Variants in CDCA7L observed in about 807,000 individuals in gnomAD.
CDCA7L encodes cell division cycle-associated 7-like protein.
A neutral mutation model predicts 57.4 loss-of-function variants in CDCA7L; 44 were observed. That is an observed-to-expected ratio of 0.77 (90% CI 0.60 to 0.98). CDCA7L has a LOEUF of 0.98. Among genes scored for constraint, CDCA7L ranks in the 50% least tolerant of loss-of-function variants. CDCA7L has a pLI of 0.00. For synonymous variants in CDCA7L, 236 were observed against 202.8 expected (o/e 1.16, Z -1.39); for missense variants, 644 against 580.6 (o/e 1.11, Z -1.12).
intron 8 of CDCA7L, chr7:21,903,778 T>TGGCCCA (rs1299237293): frequency 4.8e-6 from 1 of 207,722 alleles, no homozygotes; most frequent in Non-Finnish European, 9.5e-6. Context: ...CCTCTCAGCC[T>TGGCCCA]GGCCCAGGAA....
intron 7 of CDCA7L, 120 bp downstream of exon 7, chr7:21,905,386 G>T (rs1228674326): frequency 1.8e-6 from 2 of 1,141,376 alleles, no homozygotes; most frequent in African/African-American, 3.1e-5. Context: ...CTCCAATTCA[G>T]AGCCTGGCTC....
rs1360893205 is a variant in CDCA7L at position 21,906,337 on chromosome 7, A to G, written c.873T>C (p.Ala291=). ...FALENFTVSA[A]KFAEEFYSFR... The stretch of plus-strand genomic sequence containing the variant: ...AGCTGTAAAACTCTTCCGCAAATTT[A>G]GCGGCTGAGACAGTGAAGTTCTCTA... Residue 291 remains alanine, a synonymous_variant, in exon 6 of 10, where the codon GCT becomes GCC. Transcript: ENST00000406877. The G allele has an allele frequency of 6.2e-7, 1 of 1,610,840 alleles. No homozygotes were observed. Among genetic ancestry groups the G allele is most frequent in the African/African-American group, 1.3e-5 (1 of 74,748 alleles).
intron 1 of CDCA7L, among the ~76,000 whole-genome samples, chr7:21,920,525 G>A (rs1383277848): frequency 6.6e-6 from 1 of 152,192 alleles, no homozygotes; most frequent in South Asian, 2.1e-4. Flanking sequence ...GATGCTGAAG[G>A]GTTAATACAA....
At chr7:21,932,821 G>C (rs1726855382) in intron 1 of CDCA7L, among the ~76,000 whole-genome samples, 1 of 152,064 alleles carries the variant, frequency 6.6e-6, no homozygotes. Flanking sequence ...TTAAACTAAA[G>C]AGCTTCTGCA....
intron 1 of CDCA7L, among the ~76,000 whole-genome samples, chr7:21,937,270 G>A (rs1209685179): frequency 1.3e-5 from 2 of 152,038 alleles, no homozygotes; most frequent in Non-Finnish European, 2.9e-5. Context: ...GACTTCTTTC[G>A]TAAAAACAAA....
At chr7:21,936,381 T>C (rs967493635) in intron 1 of CDCA7L, among the ~76,000 whole-genome samples, 3 of 152,250 alleles carry the variant, frequency 2.0e-5, no homozygotes, top group South Asian at 4.1e-4. Flanking sequence ...TAGAAAACTA[T>C]ACAGCCATAT....
intron 8 of CDCA7L, 90 bp downstream of exon 8, chr7:21,904,020 C>G: frequency 7.7e-7 from 1 of 1,298,040 alleles, no homozygotes; most frequent in East Asian, 2.6e-5. Flanking sequence ...CTGGAGCTCC[C>G]TAGTTCCCAG....
intron 2 of CDCA7L, among the ~76,000 whole-genome samples, chr7:21,913,004 T>C (rs796726409): frequency 6.6e-6 from 1 of 151,268 alleles, no homozygotes; most frequent in Non-Finnish European, 1.5e-5. Context: ...AAGACTAGAG[T>C]CTGTCCCCAG....
intron 1 of CDCA7L, among the ~76,000 whole-genome samples, chr7:21,943,729 G>GA (rs774517612): frequency 0.042 from 5,773 of 137,898 alleles, 203 homozygotes; most frequent in African/African-American, 0.11. Context: ...TTCAGAAAAG[G>GA]AAAAAAAAAA....
At chr7:21,933,467 G>A (rs112935210) in intron 1 of CDCA7L, among the ~76,000 whole-genome samples, 1 of 152,294 alleles carries the variant, frequency 6.6e-6, no homozygotes. Context: ...ATACTATGCA[G>A]CCATAAAAAA....
chr7:21,911,808 G>C, intron 2 of CDCA7L, 54 bp from the exon 3 acceptor site: 1 of 1,548,314 alleles, frequency 6.5e-7, no homozygotes. Context: ...GAGGTTACCA[G>C]GGAAGGGTAG....
intron 1 of CDCA7L, among the ~76,000 whole-genome samples, chr7:21,918,604 C>T (rs1405028604): frequency 6.6e-6 from 1 of 152,076 alleles, no homozygotes; most frequent in Non-Finnish European, 1.5e-5. Context: ...ATTTTTTTTG[C>T]ATCCCCAAGG....
chr7:21,913,153 G>A (rs1785385187), intron 2 of CDCA7L, among the ~76,000 whole-genome samples: 1 of 152,080 alleles, frequency 6.6e-6, no homozygotes, highest in South Asian at 2.1e-4. Context: ...TATATCTCTG[G>A]GGAAAGATAG....
intron 6 of CDCA7L, 84 bp downstream of exon 6, chr7:21,906,204 GC>G: frequency 7.3e-7 from 1 of 1,364,168 alleles, no homozygotes; most frequent in African/African-American, 1.5e-5. Flanking sequence ...GTCAGAACCA[GC>G]CCTGGGGTGA....
intron 1 of CDCA7L, among the ~76,000 whole-genome samples, chr7:21,939,371 G>C (rs751462199): frequency 6.6e-6 from 1 of 152,104 alleles, no homozygotes. Context: ...AGCCCCACAG[G>C]GTAGTCAATG....
At chr7:21,943,668 T>C (rs1786416398) in intron 1 of CDCA7L, among the ~76,000 whole-genome samples, 1 of 152,140 alleles carries the variant, frequency 6.6e-6, no homozygotes, top group African/African-American at 2.4e-5. Context: ...ACAGGAACAT[T>C]TCCACTGGAA....
chr7:21,928,448 G>A (rs958729653), intron 1 of CDCA7L, among the ~76,000 whole-genome samples: 1 of 152,098 alleles, frequency 6.6e-6, no homozygotes, highest in Non-Finnish European at 1.5e-5. Context: ...ACTGGATGGA[G>A]AATGAGTTTG....
At chr7:21,938,387 T>C (rs1349363007) in intron 1 of CDCA7L, among the ~76,000 whole-genome samples, 1 of 151,582 alleles carries the variant, frequency 6.6e-6, no homozygotes, top group Non-Finnish European at 1.5e-5. Flanking sequence ...TAAAAAAAAA[T>C]CCAGGAAAGA....
chr7:21,916,875 T>C lies in CDCA7L; in HGVS notation c.44A>G (p.Asp15Gly). 1 of 1,614,118 alleles carries C rather than the reference T, an allele frequency of 6.2e-7. No individual in the cohort carries two copies. The highest frequency in any genetic ancestry group is 8.5e-7 in the Non-Finnish European group (1 of 1,179,994). The part of the protein sequence containing the change: ...TRYQIPKEVA[D>G]IFNAPSDDEE... ...ATCATCACTGGGGGCGTTAAAGATG[T>C]CAGCCACTTCTTTAGGGATCTGTTT... is the stretch of plus-strand genomic sequence containing the variant. The change falls in exon 2 of 10, where the codon GAC becomes GGC. Residue 15 changes from aspartate (D) to glycine (G), a missense_variant. Physicochemically the swap from Asp to Gly is moderately conservative, Grantham distance 94. Coordinates refer to ENST00000406877, the MANE Select transcript of CDCA7L (RefSeq NM_018719.5).
Sources: gnomAD v4.1 joint callset for allele counts (sites outside exome capture counted in the v4.1 genomes callset) on GRCh38, gnomAD v4.1.1 for gene constraint, MANE v1.5 for transcripts, NCBI Gene and HGNC (gene_info 2026-07-23, HGNC 2026-07-21) for gene names.